Variants in STPG2 observed in about 807,000 individuals in gnomAD.
STPG2 encodes sperm tail PG-rich repeat containing 2, also known as sperm-tail PG-rich repeat-containing protein 2.
STPG2 carries 56 observed loss-of-function variants against 54.2 expected under a neutral mutation model. The observed-to-expected ratio is 1.03, with a 90% confidence interval of 0.83 to 1.29. The LOEUF (loss-of-function observed/expected upper bound fraction) is 1.29, where lower values mean the gene tolerates loss of function less well. Ranked by LOEUF, STPG2 falls within the 50% of genes most tolerant of loss-of-function variation. The pLI, the probability that STPG2 is intolerant of heterozygous loss-of-function variation, is 0.00. For missense variants in STPG2, 596 were observed against 544.9 expected (o/e 1.09, Z -0.93); for synonymous variants, 200 against 181.8 (o/e 1.10, Z -0.81).
intron 7 of STPG2, among the ~76,000 whole-genome samples, chr4:97,969,555 C>G (rs1391559364): frequency 6.6e-6 from 1 of 152,126 alleles, no homozygotes; most frequent in Non-Finnish European, 1.5e-5. Context: ...CCTGCCGATC[C>G]ACCTGGGAAC....
chr4:97,590,538 A>T (rs1733114993), intron 10 of STPG2, among the ~76,000 whole-genome samples: 1 of 152,024 alleles, frequency 6.6e-6, no homozygotes, highest in Admixed American at 6.6e-5. Flanking sequence ...CAAACTGGAA[A>T]TCTTAGAGGT....
chr4:97,603,915 A>G (rs935080456), intron 10 of STPG2, among the ~76,000 whole-genome samples: 1 of 151,674 alleles, frequency 6.6e-6, no homozygotes, highest in African/African-American at 2.4e-5. Flanking sequence ...GGTTGCACAA[A>G]AAATGTCAAT....
At chr4:97,681,189 G>C (rs1235848256) in intron 10 of STPG2, among the ~76,000 whole-genome samples, 5 of 151,566 alleles carry the variant, frequency 3.3e-5, no homozygotes, top group Admixed American at 2.0e-4. Flanking sequence ...AAAAGTGAAA[G>C]GTCTAAGAAA....
chr4:98,143,001 G>C (rs1159735962), intron 1 of STPG2, 41 bp downstream of exon 1: 3 of 1,539,236 alleles, frequency 1.9e-6, no homozygotes, highest in South Asian at 2.3e-5. Context: ...GCTGAAGATA[G>C]GATGCCTGTC....
At chr4:97,457,243 T>C (rs1440176128) in intron 4 of STPG2, among the ~76,000 whole-genome samples, 1 of 152,256 alleles carries the variant, frequency 6.6e-6, no homozygotes, top group Non-Finnish European at 1.5e-5. Flanking sequence ...CCAGTGATCA[T>C]ACTCTTTGTT....
At chr4:97,742,983 T>C (rs1229675822) in intron 9 of STPG2, among the ~76,000 whole-genome samples, 2 of 151,744 alleles carry the variant, frequency 1.3e-5, no homozygotes, top group African/African-American at 4.8e-5. Context: ...CATTTCACTA[T>C]GTATATGCAT....
chr4:98,049,033 G>GA (rs1455635634), intron 5 of STPG2: 2 of 152,010 alleles, frequency 1.3e-5, no homozygotes, highest in African/African-American at 2.4e-5. Flanking sequence ...GGTTTCACTG[G>GA]AAAAAATCAA....
intron 8 of STPG2, among the ~76,000 whole-genome samples, chr4:97,879,735 A>G (rs1024290068): frequency 5.3e-5 from 8 of 152,204 alleles, no homozygotes; most frequent in Non-Finnish European, 1.5e-5. Context: ...AATCACCAGG[A>G]AAATGCATAT....
intron 8 of STPG2, among the ~76,000 whole-genome samples, chr4:97,846,805 C>A (rs1728969314): frequency 6.6e-6 from 1 of 152,054 alleles, no homozygotes; most frequent in African/African-American, 2.4e-5. Context: ...TCTTGCAATA[C>A]ACTAGAGTTA....
intron 1 of STPG2, among the ~76,000 whole-genome samples, chr4:98,140,530 C>CATT (rs1328920815): frequency 1.3e-5 from 2 of 152,042 alleles, no homozygotes; most frequent in African/African-American, 4.8e-5. Flanking sequence ...AGGAACTAAT[C>CATT]AAACAGGCAC....
chr4:97,962,834 C>T (rs1733940327), intron 7 of STPG2, among the ~76,000 whole-genome samples: 1 of 152,160 alleles, frequency 6.6e-6, no homozygotes, highest in Non-Finnish European at 1.5e-5. Context: ...AATCACTGTG[C>T]TAGGCTTCTC....
intron 10 of STPG2, among the ~76,000 whole-genome samples, chr4:97,694,034 T>C (rs1279006176): frequency 6.6e-6 from 1 of 152,064 alleles, no homozygotes; most frequent in South Asian, 2.1e-4. Context: ...AGAAAGTTCA[T>C]AGCATCAAAC....
intron 10 of STPG2, among the ~76,000 whole-genome samples, chr4:97,562,373 C>T (rs543154058): frequency 1.3e-5 from 2 of 152,170 alleles, no homozygotes; most frequent in African/African-American, 4.8e-5. Flanking sequence ...GATATACAAT[C>T]ATGTCATCTG....
chr4:97,771,821 T>C (rs1437847055), intron 9 of STPG2, among the ~76,000 whole-genome samples: 1 of 152,086 alleles, frequency 6.6e-6, no homozygotes, highest in Admixed American at 6.6e-5. Flanking sequence ...GGGAAACAGA[T>C]CTGGGATATG....
intron 4 of STPG2, among the ~76,000 whole-genome samples, chr4:97,507,096 C>A (rs1018421745): frequency 6.6e-5 from 10 of 151,908 alleles, no homozygotes; most frequent in Non-Finnish European, 1.3e-4. Context: ...GAGGCTGAGG[C>A]AGGAGGATGA....
intron 7 of STPG2, among the ~76,000 whole-genome samples, chr4:97,958,800 C>A (rs555939515): frequency 2.6e-5 from 4 of 152,272 alleles, no homozygotes; most frequent in Admixed American, 1.3e-4. Context: ...TCACGCACAG[C>A]ACTAGACAGG....
chr4:98,017,859 T>C (rs1362614982), intron 5 of STPG2, among the ~76,000 whole-genome samples: 1 of 152,116 alleles, frequency 6.6e-6, no homozygotes, highest in African/African-American at 2.4e-5. Context: ...AGTGGCAGTT[T>C]AGCCTGCATT....
At chr4:97,971,900 C>G (rs1340445876) in intron 7 of STPG2, among the ~76,000 whole-genome samples, 1 of 152,166 alleles carries the variant, frequency 6.6e-6, no homozygotes, top group Non-Finnish European at 1.5e-5. Flanking sequence ...CATTTTAAAA[C>G]CAATTGTCTG....
intron 10 of STPG2, among the ~76,000 whole-genome samples, chr4:97,629,026 C>G (rs1228167307): frequency 2.6e-5 from 4 of 152,048 alleles, no homozygotes; most frequent in Non-Finnish European, 4.4e-5. Context: ...TCACTACTAT[C>G]TGACTTTGAT....
Sources: allele counts gnomAD v4.1 joint callset (sites outside exome capture counted in the v4.1 genomes callset), GRCh38; gene constraint gnomAD v4.1.1; transcripts MANE v1.5; gene names NCBI Gene and HGNC (gene_info 2026-07-23, HGNC 2026-07-21).